The following PRIM2 variants were observed in gnomAD, a reference collection of about 807,000 sequenced individuals.
The protein encoded by PRIM2 is DNA primase subunit 2.
A neutral mutation model predicts 67.3 loss-of-function variants in PRIM2; 39 were observed. That is an observed-to-expected ratio of 0.58 (90% CI 0.45 to 0.76). The LOEUF (loss-of-function observed/expected upper bound fraction) is 0.76, where lower values mean the gene tolerates loss of function less well. Among genes scored for constraint, PRIM2 ranks in the 30% least tolerant of loss-of-function variants. The probability of loss-of-function intolerance (pLI) is 0.00; values close to 1 mark genes in which losing one functional copy is unlikely to be tolerated. For missense variants in PRIM2, 398 were observed against 598.7 expected (o/e 0.66, Z 3.50); for synonymous variants, 143 against 198.7 (o/e 0.72, Z 2.36).
chr6:57,443,262 A>G (rs550766776), intron 7 of PRIM2, among the ~76,000 whole-genome samples: 122 of 152,286 alleles, frequency 8.0e-4, no homozygotes, highest in Non-Finnish European at 1.5e-3. Flanking sequence ...TTGGGTAAGT[A>G]CCCAGAAGTA....
chr6:57,327,391 T>C (rs950512207), intron 5 of PRIM2, among the ~76,000 whole-genome samples: 5 of 152,316 alleles, frequency 3.3e-5, no homozygotes, highest in African/African-American at 1.2e-4. Context: ...TTGTCCTGTC[T>C]GACAAGTAGA....
chr6:57,479,522 CCAG>C (rs1334442042), intron 7 of PRIM2, among the ~76,000 whole-genome samples: 3 of 152,124 alleles, frequency 2.0e-5, no homozygotes. Context: ...GTGATAGTTT[CCAG>C]CTGTTCTTTG....
intron 5 of PRIM2, among the ~76,000 whole-genome samples, chr6:57,376,057 A>G (rs1181450990): frequency 2.0e-5 from 3 of 152,150 alleles, no homozygotes; most frequent in Non-Finnish European, 4.4e-5. Flanking sequence ...AAAAAATATA[A>G]TATTAAAACA....
At chr6:57,505,546 T>A (rs1774232746) in intron 7 of PRIM2, among the ~76,000 whole-genome samples, 1 of 152,212 alleles carries the variant, frequency 6.6e-6, no homozygotes, top group Non-Finnish European at 1.5e-5. Flanking sequence ...ACTGATGTAA[T>A]AACTTTACCC....
At chr6:57,239,240 C>T in the PRIM2 span, among the ~76,000 whole-genome samples, 3 of 152,314 alleles carry the variant, frequency 2.0e-5, no homozygotes, top group Non-Finnish European at 4.4e-5. Context: ...ATCAGCCTGA[C>T]TTGGCCTCCC....
the PRIM2 span, among the ~76,000 whole-genome samples, chr6:57,293,738 A>G: frequency 6.6e-6 from 1 of 152,126 alleles, no homozygotes; most frequent in African/African-American, 2.4e-5. Context: ...TCAAAAGGAC[A>G]GAAAACCTAA....
chr6:57,646,042 C>G lies in PRIM2; in HGVS notation c.1414C>G (p.Gln472Glu), dbSNP rs1777328849. The G allele has an allele frequency of 1.3e-5, 21 of 1,602,030 alleles. No individual in the cohort carries two copies. The highest frequency in any genetic ancestry group is 1.8e-5 in the Non-Finnish European group (21 of 1,169,140). Residue 472 changes from glutamine (Q) to glutamate (E), a missense_variant, in exon 14 of 14, where the codon CAA (glutamine) becomes GAA (glutamate). Gln to Glu is a conservative substitution (Grantham distance 29). Transcript: ENST00000615550. ...KKEPIQPETP[Q>E]PKPSVQKTKD... ...GGAACCTATCCAACCAGAAACTCCTCAACCCAAACCAAGTGTCCAGAAAAC... is the reference window on the plus strand; with the variant it reads ...GGAACCTATCCAACCAGAAACTCCTGAACCCAAACCAAGTGTCCAGAAAAC...
chr6:57,540,651 T>C (rs1219115002), intron 10 of PRIM2, among the ~76,000 whole-genome samples: 4 of 152,168 alleles, frequency 2.6e-5, no homozygotes, highest in African/African-American at 9.7e-5. Flanking sequence ...TAACATGAGA[T>C]ATACAGAAAT....
chr6:57,377,779 T>C (rs1446177723), intron 5 of PRIM2, among the ~76,000 whole-genome samples: 1 of 152,152 alleles, frequency 6.6e-6, no homozygotes, highest in Non-Finnish European at 1.5e-5. Flanking sequence ...TAATCATCTC[T>C]GAAATGTCAT....
the PRIM2 span, among the ~76,000 whole-genome samples, chr6:57,277,515 T>C: frequency 6.6e-6 from 1 of 152,172 alleles, no homozygotes; most frequent in Non-Finnish European, 1.5e-5. Context: ...AAGCCTTATA[T>C]GCAGTTACCC....
At chr6:57,595,404 A>G (rs1367281681) in intron 10 of PRIM2, among the ~76,000 whole-genome samples, 3 of 152,032 alleles carry the variant, frequency 2.0e-5, no homozygotes, top group Non-Finnish European at 4.4e-5. Context: ...ACACTGACCA[A>G]TTCTCTGATG....
At chr6:57,488,233 A>AT in intron 7 of PRIM2, among the ~76,000 whole-genome samples, 1 of 152,260 alleles carries the variant, frequency 6.6e-6, no homozygotes, top group South Asian at 2.1e-4. Context: ...CATAATATTG[A>AT]TTTTATATTG....
upstream of PRIM2, among the ~76,000 whole-genome samples, chr6:57,317,397 C>T (rs980208159): frequency 3.9e-5 from 6 of 152,142 alleles, no homozygotes; most frequent in Admixed American, 6.6e-5. Flanking sequence ...CAGTTTCAAC[C>T]GTTAAAGCTA....
chr6:57,344,252 C>G (rs1768596283), intron 5 of PRIM2, among the ~76,000 whole-genome samples: 1 of 151,664 alleles, frequency 6.6e-6, no homozygotes, highest in Non-Finnish European at 1.5e-5. Context: ...AGAGAAAATA[C>G]TAACTGAATT....
chr6:57,639,488 A>C lies in PRIM2; in HGVS notation c.1300-6440A>C, dbSNP rs1411735774. Among the ~76,000 whole-genome samples, 206 of 152,064 alleles carry C rather than the reference A, an allele frequency of 1.4e-3. 2 individuals carry two copies. Among genetic ancestry groups the C allele is most frequent in the African/African-American group, 4.7e-3 (194 of 41,454 alleles). ...GCTTGTTTTTTGAAAAGATCAACAA[A>C]ATTGATAGACTGCTAGCAAGACTAA... On this transcript the variant is annotated intron_variant, in intron 13 of 13. Coordinates refer to ENST00000615550, the MANE Select transcript of PRIM2 (RefSeq NM_000947.5).
chr6:57,431,559 G>A (rs1260343259), intron 7 of PRIM2, among the ~76,000 whole-genome samples: 7 of 151,932 alleles, frequency 4.6e-5, no homozygotes, highest in Non-Finnish European at 1.0e-4. Context: ...CAGGTAAGAG[G>A]ATTGCCTTAG....
chr6:57,394,634 T>G (rs1277861677), intron 7 of PRIM2, among the ~76,000 whole-genome samples: 1 of 152,120 alleles, frequency 6.6e-6, no homozygotes, highest in Admixed American at 6.6e-5. Flanking sequence ...GACTTCCTCT[T>G]TACCTATTTG....
rs574980199 is a variant in PRIM2 at position 57,324,285 on chromosome 6, GTA to G, written c.338+9_338+10del. On this transcript the variant is annotated splice_donor_region_variant and intron_variant, in intron 4 of 13. Transcript: ENST00000615550. ...GCGGCTTGCTTATTGCCAGTCGTAA[GTA>G]TATGTTTATATTCTCACAGTCAAAT... 1.3e-4 allele frequency: 198 copies of G among 1,560,136 alleles called. 3 individuals are homozygous for G. In the South Asian group the frequency reaches 2.1e-3, roughly 17 times the overall value.
chr6:57,545,753 G>A lies in PRIM2; in HGVS notation c.1020+8128G>A, dbSNP rs1188436030. On this transcript the variant is annotated intron_variant, in intron 10 of 13. Coordinates refer to ENST00000615550, the MANE Select transcript of PRIM2 (RefSeq NM_000947.5). ...CTGGCCCCTCCAAGACCTTATTCAC[G>A]AGAGTCTTCCAAGAGATTTATTTGG... is the stretch of plus-strand genomic sequence containing the variant. Among the ~76,000 whole-genome samples the A allele has an allele frequency of 8.9e-4, 136 of 152,210 alleles. 1 individual carries two copies. The highest frequency in any genetic ancestry group is 3.1e-3 in the African/African-American group (128 of 41,552).
Sources: gnomAD v4.1 joint callset for allele counts (sites outside exome capture counted in the v4.1 genomes callset) on GRCh38, gnomAD v4.1.1 for gene constraint, MANE v1.5 for transcripts, NCBI Gene and HGNC (gene_info 2026-07-23, HGNC 2026-07-21) for gene names.